The following FSTL5 variants were observed in gnomAD, a reference collection of about 807,000 sequenced individuals.
FSTL5 encodes follistatin like 5.
Under a neutral mutation model 89.1 loss-of-function variants are expected in FSTL5, and 62 were observed. That is an observed-to-expected ratio of 0.70 (90% CI 0.57 to 0.86). The LOEUF is 0.86. FSTL5 is among the 40% of genes least tolerant of loss of function. The pLI is 0.00. For missense variants in FSTL5, 1,057 were observed against 1,001.6 expected, an observed-to-expected ratio of 1.06 and a Z score of -0.75; for synonymous variants, 383 against 346.2, an observed-to-expected ratio of 1.11 and a Z score of -1.18.
At chr4:161,642,904 A>G (rs1011077706) in intron 7 of FSTL5, among the ~76,000 whole-genome samples, 2 of 152,174 alleles carry the variant, frequency 1.3e-5, no homozygotes, top group Admixed American at 6.5e-5. Flanking sequence ...TTATGAATGT[A>G]TTTAATAACA....
chr4:161,838,427 C>G (rs1731114290), intron 4 of FSTL5, among the ~76,000 whole-genome samples: 1 of 152,086 alleles, frequency 6.6e-6, no homozygotes, highest in East Asian at 1.9e-4. Flanking sequence ...GGACTACAGG[C>G]ACCCACCACC....
intron 7 of FSTL5, among the ~76,000 whole-genome samples, chr4:161,619,171 C>A (rs1247633932): frequency 6.6e-6 from 1 of 152,108 alleles, no homozygotes; most frequent in African/African-American, 2.4e-5. Flanking sequence ...CATCCTTACA[C>A]CTTATACAAA....
intron 8 of FSTL5, among the ~76,000 whole-genome samples, chr4:161,551,595 G>T (rs374690496): frequency 1.3e-5 from 2 of 151,842 alleles, no homozygotes; most frequent in South Asian, 2.1e-4. Context: ...ATACTACAAG[G>T]CTACAGTAAC....
At chr4:161,791,278 T>C (rs1292557986) in intron 4 of FSTL5, among the ~76,000 whole-genome samples, 1 of 152,182 alleles carries the variant, frequency 6.6e-6, no homozygotes, top group Admixed American at 6.6e-5. Context: ...AAAGCGATCA[T>C]TTACACACTA....
intron 2 of FSTL5, among the ~76,000 whole-genome samples, chr4:162,043,481 A>G (rs761251402): frequency 6.6e-6 from 1 of 152,176 alleles, no homozygotes; most frequent in Non-Finnish European, 1.5e-5. Context: ...GTGAGTCACA[A>G]GTTTTTGCTG....
In FSTL5 at chr4:161,661,242, A is replaced by G. The variant is rs1736698559; in HGVS notation, c.728-4748T>C. On this transcript the variant is annotated intron_variant, in intron 6 of 15. Transcript: ENST00000306100. ...TAACCAAGATTCTGCTTTTCTAAAT[A>G]TCGACATCTTTGATGTTTCTAACTA... Among the ~76,000 whole-genome samples, 5 of 152,330 alleles carry G rather than the reference A, an allele frequency of 3.3e-5. No homozygotes were observed. In the South Asian group the frequency reaches 1.0e-3, roughly 32 times the overall value.
chr4:161,835,542 A>G lies in FSTL5; in HGVS notation c.410-59468T>C, dbSNP rs370973737. ...ACCTACAACATGGGAGAAAATTTTC[A>G]CAACCTACTCATCTGACAAAGGGCT... is the stretch of plus-strand genomic sequence containing the variant. On this transcript the variant is annotated intron_variant, in intron 4 of 15. Transcript: ENST00000306100. Among the ~76,000 whole-genome samples, 8 of 152,164 alleles carry G rather than the reference A, an allele frequency of 5.3e-5. No homozygotes were observed. In the South Asian group the frequency reaches 6.2e-4, roughly 12 times the overall value.
chr4:162,006,105 TA>T (rs555341783), intron 3 of FSTL5, among the ~76,000 whole-genome samples: 46 of 151,902 alleles, frequency 3.0e-4, no homozygotes, highest in Middle Eastern at 3.4e-3. Context: ...GCTTTTTTTT[TA>T]AAATATTATA....
At chr4:161,470,550 C>T (rs1429195302) in intron 13 of FSTL5, among the ~76,000 whole-genome samples, 1 of 151,426 alleles carries the variant, frequency 6.6e-6, no homozygotes, top group Non-Finnish European at 1.5e-5. Context: ...TCTTCTTTTG[C>T]AAGAATATAT....
At chr4:161,811,003 A>G (rs1480062529) in intron 4 of FSTL5, among the ~76,000 whole-genome samples, 1 of 152,128 alleles carries the variant, frequency 6.6e-6, no homozygotes, top group Non-Finnish European at 1.5e-5. Context: ...TCCTCCTTTA[A>G]TCTTCCCAAA....
At chr4:161,615,277 G>C (rs915475863) in intron 7 of FSTL5, among the ~76,000 whole-genome samples, 4 of 99,388 alleles carry the variant, frequency 4.0e-5, no homozygotes, top group East Asian at 3.3e-4. Context: ...CTGGGCAACA[G>C]AGGGAGACTC....
chr4:162,000,596 T>TAA (rs757799699), intron 3 of FSTL5, among the ~76,000 whole-genome samples: 1 of 138,994 alleles, frequency 7.2e-6, no homozygotes, highest in Non-Finnish European at 1.6e-5. Flanking sequence ...AGACTCAGTC[T>TAA]AAAAAAAAAA....
At chr4:161,423,073 C>T (rs989497821) in intron 15 of FSTL5, among the ~76,000 whole-genome samples, 6 of 152,158 alleles carry the variant, frequency 3.9e-5, no homozygotes, top group Non-Finnish European at 8.8e-5. Context: ...TTTTTCACTA[C>T]ACTATGTCAA....
At chr4:161,841,368 T>G (rs1033137723) in intron 4 of FSTL5, among the ~76,000 whole-genome samples, 4 of 152,194 alleles carry the variant, frequency 2.6e-5, no homozygotes, top group Non-Finnish European at 5.9e-5. Flanking sequence ...TATTTGTAGA[T>G]CCACAGGAAA....
In FSTL5 at chr4:161,548,939, C is replaced by T. The variant is rs115622788; in HGVS notation, c.1016-6246G>A. On this transcript the variant is annotated intron_variant, in intron 8 of 15. Coordinates refer to ENST00000306100, the MANE Select transcript of FSTL5 (RefSeq NM_020116.5). ...TAATGTCCTTTCCAACAAAAATTAA[C>T]ATGCTATCTTTAATGTAAATATTAA... Among the ~76,000 whole-genome samples, 563 of 151,930 alleles carry T rather than the reference C, an allele frequency of 3.7e-3. 8 individuals carry two copies. Among genetic ancestry groups the T allele is most frequent in the African/African-American group, 0.013 (545 of 41,496 alleles).
intron 15 of FSTL5, among the ~76,000 whole-genome samples, chr4:161,439,766 T>C (rs1732696281): frequency 6.6e-6 from 1 of 152,110 alleles, no homozygotes; most frequent in Admixed American, 6.6e-5. Flanking sequence ...TCTGCAAATA[T>C]ATGTATATAC....
intron 7 of FSTL5, among the ~76,000 whole-genome samples, chr4:161,638,570 C>A (rs1735821095): frequency 6.6e-6 from 1 of 150,932 alleles, no homozygotes; most frequent in Non-Finnish European, 1.5e-5. Context: ...ACCAGAGGTA[C>A]AAGGAGGAAC....
intron 3 of FSTL5, among the ~76,000 whole-genome samples, chr4:161,985,848 A>C (rs1735949156): frequency 6.6e-6 from 1 of 152,138 alleles, no homozygotes; most frequent in Non-Finnish European, 1.5e-5. Context: ...AATAATTTGA[A>C]TAGTGTGTAT....
chr4:161,634,669 T>C (rs943785539), intron 7 of FSTL5, among the ~76,000 whole-genome samples: 1 of 152,152 alleles, frequency 6.6e-6, no homozygotes, highest in Non-Finnish European at 1.5e-5. Context: ...TGATTTTACA[T>C]ATATGTGGAA....
Sources: gnomAD v4.1 joint callset for allele counts (sites outside exome capture counted in the v4.1 genomes callset) on GRCh38, gnomAD v4.1.1 for gene constraint, MANE v1.5 for transcripts, NCBI Gene and HGNC (gene_info 2026-07-23, HGNC 2026-07-21) for gene names.